ANKFN1: variants seen among roughly 807,000 people sequenced by gnomAD.
The protein encoded by ANKFN1 is ankyrin repeat and fibronectin type III domain containing 1, also known as ankyrin repeat and fibronectin type-III domain-containing protein 1.
A neutral mutation model predicts 108.7 loss-of-function variants in ANKFN1; 74 were observed. The ratio of observed to expected loss-of-function variants is 0.68; its 90% CI spans 0.56 to 0.83. The LOEUF (loss-of-function observed/expected upper bound fraction) is 0.83. ANKFN1 is among the 40% of genes least tolerant of loss of function. The pLI is 0.00. For missense variants in ANKFN1, 1,505 were observed against 1,382.3 expected, an observed-to-expected ratio of 1.09 and a Z score of -1.41; for synonymous variants, 547 against 516.2, an observed-to-expected ratio of 1.06 and a Z score of -0.81.
chr17:56,401,538 T>C (rs1456978251), intron 8 of ANKFN1, among the ~76,000 whole-genome samples: 1 of 152,124 alleles, frequency 6.6e-6, no homozygotes, highest in East Asian at 1.9e-4. Context: ...TAATCTTGTA[T>C]CTGAAAACTT....
At chr17:56,236,342 C>T (rs1917149131) in intron 3 of ANKFN1, among the ~76,000 whole-genome samples, 2 of 152,048 alleles carry the variant, frequency 1.3e-5, no homozygotes, top group South Asian at 2.1e-4. Context: ...CAGGAGTGAG[C>T]CACCGCGCCT....
At chr17:56,173,500 ACTCT>A (rs1310831709) in intron 1 of ANKFN1, among the ~76,000 whole-genome samples, 7 of 149,850 alleles carry the variant, frequency 4.7e-5, no homozygotes, top group Non-Finnish European at 8.9e-5. Context: ...CATATACTTC[ACTCT>A]CTCTCCCACA....
chr17:56,374,650 A>C lies in ANKFN1; in HGVS notation c.846A>C (p.Thr282=). Residue 282 remains threonine, a synonymous_variant, in exon 8 of 21, where the codon ACA becomes ACC. Transcript: ENST00000682825. ...TNVCLMVTSS[T]SLTVSFQEPL... is the part of the protein sequence containing the mutation. ...TCTGTCTCATGGTAACCAGCAGCAC[A>C]TCACTCACTGTCAGCTTCCAAGAGC... 2 of 1,613,994 alleles carry C rather than the reference A, an allele frequency of 1.2e-6. No homozygotes were observed.
At position 56,440,423 on chromosome 17, in the gene ANKFN1, T is replaced by A. The variant is rs1302949357; in HGVS notation, c.1007T>A (p.Met336Lys). 6.2e-7 allele frequency: 1 copy of A among 1,606,440 alleles called. No homozygotes were observed. The highest frequency in any genetic ancestry group is 1.3e-5 in the African/African-American group (1 of 74,710). The change falls in exon 9 of 21, where the codon ATG becomes AAG. Residue 336 changes from methionine to lysine, a missense_variant and splice_region_variant. By Grantham distance (95) the Met-to-Lys change is moderately conservative (BLOSUM62 -1). Coordinates refer to ENST00000682825, the MANE Select transcript of ANKFN1 (RefSeq NM_001370326.1). ...AGATGCACAATCACAGGACTTACAA[T>A]GGTAAATGTCCCCAGTAGACTTTTC... ...TLRCTITGLT[M>K]GQQYFVQVSA... is the part of the protein sequence containing the mutation.
At chr17:56,146,550 AC>A (rs1482640532) in intron 4 of ANKFN1, among the ~76,000 whole-genome samples, 1 of 152,144 alleles carries the variant, frequency 6.6e-6, no homozygotes, top group African/African-American at 2.4e-5. Context: ...ACTTTTATGC[AC>A]CCACAAACCC....
chr17:56,287,598 C>A (rs1035950824), intron 3 of ANKFN1, among the ~76,000 whole-genome samples: 1 of 152,152 alleles, frequency 6.6e-6, no homozygotes, highest in Non-Finnish European at 1.5e-5. Flanking sequence ...AAGAAGTAAA[C>A]GCTGATCTGG....
intron 1 of ANKFN1, among the ~76,000 whole-genome samples, chr17:56,183,444 TG>T (rs1911879179): frequency 1.3e-5 from 2 of 152,004 alleles, no homozygotes; most frequent in Non-Finnish European, 1.5e-5. Flanking sequence ...TAGTGGGAGG[TG>T]ATTGGATCAT....
rs370061846 is a variant in ANKFN1 at position 56,212,692 on chromosome 17, G to T, written c.12+13G>T. 6.6e-6 allele frequency among the ~76,000 whole-genome samples: 1 copy of T among 152,120 alleles called. No homozygotes were observed. Among genetic ancestry groups the T allele is most frequent in the African/African-American group, 2.4e-5 (1 of 41,422 alleles). ...CATGAATGAGAAGGTTAGTTTTTCC[G>T]CAGTCCTCCTTGAGCCTATGCAACT... On this transcript the variant is annotated intron_variant, in intron 2 of 20. Coordinates refer to ENST00000682825, the MANE Select transcript of ANKFN1 (RefSeq NM_001370326.1).
intron 15 of ANKFN1, among the ~76,000 whole-genome samples, 157 bp from the exon 16 acceptor site, chr17:56,477,331 T>C (rs1218998812): frequency 6.6e-6 from 1 of 152,160 alleles, no homozygotes; most frequent in African/African-American, 2.4e-5. Context: ...TACCACTATT[T>C]CCCCAGCATT....
chr17:56,115,509 A>G (rs1476309541), intron 4 of ANKFN1, among the ~76,000 whole-genome samples: 1 of 152,218 alleles, frequency 6.6e-6, no homozygotes, highest in Non-Finnish European at 1.5e-5. Flanking sequence ...GGAAGGATGC[A>G]TGCCAAATAA....
At chr17:56,130,934 GT>G (rs368642526) in intron 4 of ANKFN1, among the ~76,000 whole-genome samples, 28,790 of 148,496 alleles carry the variant, frequency 0.19, 3,233 homozygotes, top group African/African-American at 0.31. Context: ...TCTAACTTGA[GT>G]TTTTTTTTTT....
At chr17:56,234,885 G>A (rs1000848718) in intron 3 of ANKFN1, among the ~76,000 whole-genome samples, 8 of 152,058 alleles carry the variant, frequency 5.3e-5, no homozygotes, top group Non-Finnish European at 8.8e-5. Context: ...GGATTGCTGC[G>A]TTGAATGGTA....
At chr17:56,173,670 C>T (rs944631709) in intron 1 of ANKFN1, among the ~76,000 whole-genome samples, 1 of 152,050 alleles carries the variant, frequency 6.6e-6, no homozygotes, top group Non-Finnish European at 1.5e-5. Flanking sequence ...CTATGTTGCC[C>T]AGGCTGGTTG....
At chr17:56,053,278 C>A (rs952702247) in intron 4 of ANKFN1, among the ~76,000 whole-genome samples, 1 of 152,094 alleles carries the variant, frequency 6.6e-6, no homozygotes, top group African/African-American at 2.4e-5. Flanking sequence ...TCACCTCATG[C>A]CTTTATCCCC....
At chr17:56,136,465 C>T (rs1272022870) in intron 4 of ANKFN1, among the ~76,000 whole-genome samples, 2 of 152,180 alleles carry the variant, frequency 1.3e-5, no homozygotes, top group African/African-American at 2.4e-5. Context: ...AATCTGGCTA[C>T]ACGTCACAAA....
intron 3 of ANKFN1, among the ~76,000 whole-genome samples, chr17:56,300,122 G>T (rs772386599): frequency 6.6e-6 from 1 of 152,128 alleles, no homozygotes; most frequent in Admixed American, 6.5e-5. Flanking sequence ...GAATTATAAC[G>T]CTGATCTCTG....
intron 15 of ANKFN1, among the ~76,000 whole-genome samples, chr17:56,474,979 C>T (rs570590576): frequency 3.9e-4 from 59 of 152,254 alleles, no homozygotes; most frequent in African/African-American, 1.4e-3. Context: ...CTTTTCTGCA[C>T]ATGCTCATTA....
At chr17:56,309,145 T>A (rs182326429) in intron 3 of ANKFN1, among the ~76,000 whole-genome samples, 2 of 152,306 alleles carry the variant, frequency 1.3e-5, no homozygotes, top group East Asian at 3.9e-4. Context: ...TTTTGGAACG[T>A]TTGGTAGAAA....
At chr17:56,228,110 T>G (rs1412632172) in intron 3 of ANKFN1, 153 bp downstream of exon 3, 1 of 628,032 alleles carries the variant, frequency 1.6e-6, no homozygotes, top group Admixed American at 3.7e-5. Context: ...TTGATTTGTA[T>G]AACATCATGG....
Sources: gnomAD v4.1 joint callset for allele counts (sites outside exome capture counted in the v4.1 genomes callset) on GRCh38, gnomAD v4.1.1 for gene constraint, MANE v1.5 for transcripts, NCBI Gene and HGNC (gene_info 2026-07-23, HGNC 2026-07-21) for gene names.